The following TCHP variants were observed in gnomAD, a reference collection of about 807,000 sequenced individuals.
The protein encoded by TCHP is trichoplein keratin filament binding.
A neutral mutation model predicts 88.7 loss-of-function variants in TCHP; 81 were observed. The observed-to-expected ratio is 0.91, with a 90% CI of 0.76 to 1.10. TCHP has a LOEUF of 1.10. Ranked by LOEUF, TCHP falls within the 50% of genes least tolerant of loss-of-function variation. The pLI is 0.00. For missense variants in TCHP, 641 were observed against 632.1 expected, an observed-to-expected ratio of 1.01 and a Z score of -0.15; for synonymous variants, 232 against 232.5, an observed-to-expected ratio of 1.00 and a Z score of 0.02.
At chr12:109,896,278 C>A (rs191810667), upstream of TCHP, among the ~76,000 whole-genome samples, 556 of 152,308 alleles carry the variant, frequency 3.7e-3, 7 homozygotes, top group Non-Finnish European at 6.1e-3. Flanking sequence ...CACTTGCAAG[C>A]CACAAGCTCC....
the TCHP span, among the ~76,000 whole-genome samples, chr12:109,894,820 C>A: frequency 2.0e-5 from 3 of 148,956 alleles, no homozygotes; most frequent in African/African-American, 7.5e-5. Flanking sequence ...ATTCCCCTAG[C>A]AGGTTTCCCT....
At chr12:109,907,468 T>G in intron 5 of TCHP, 58 bp from the exon 6 acceptor site, 1 of 1,559,004 alleles carries the variant, frequency 6.4e-7, no homozygotes, top group Non-Finnish European at 8.7e-7. Flanking sequence ...GGCAGGAAGC[T>G]AGGTTTTTGT....
In TCHP at chr12:109,912,985, G is replaced by A. The variant is rs777035699; in HGVS notation, c.1053-6G>A. 2.4e-5 allele frequency: 38 copies of A among 1,613,678 alleles called. 1 individual carries two copies. The highest frequency in any genetic ancestry group is 4.0e-5 in the African/African-American group (3 of 74,882). On this transcript the variant is annotated splice_region_variant and splice_polypyrimidine_tract_variant and intron_variant, in intron 9 of 12. Transcript: ENST00000405876. ...GCCTGCTGTCATCCCTTTTGTGTTT[G>A]CCCAGGGAGGAGGCCAAGGAGATGT...
At chr12:109,884,703 CT>C in the TCHP span, among the ~76,000 whole-genome samples, 1 of 151,884 alleles carries the variant, frequency 6.6e-6, no homozygotes, top group Non-Finnish European at 1.5e-5. Context: ...AGCATTTTTT[CT>C]TTTTTTTCTT....
chr12:109,901,511 A>T (rs1368389296), intron 1 of TCHP, among the ~76,000 whole-genome samples: 5 of 152,200 alleles, frequency 3.3e-5, no homozygotes, highest in Non-Finnish European at 5.9e-5. Flanking sequence ...ATCTCAACAT[A>T]TCAAAGAGTC....
intron 11 of TCHP, 136 bp from the exon 12 acceptor site, chr12:109,915,267 C>T (rs575936697): frequency 1.6e-5 from 19 of 1,200,728 alleles, no homozygotes; most frequent in Non-Finnish European, 2.2e-5. Flanking sequence ...CCCTTCCGTT[C>T]CTTGGCACGT....
At chr12:109,913,571 T>TC (rs1317133553) in intron 10 of TCHP, among the ~76,000 whole-genome samples, 5 of 152,036 alleles carry the variant, frequency 3.3e-5, no homozygotes, top group African/African-American at 7.3e-5. Flanking sequence ...CCCACACGTT[T>TC]CCCCCCTCGG....
At position 109,908,915 on chromosome 12, in the gene TCHP, C is replaced by T; in HGVS notation, c.857C>T (p.Thr286Ile). ...TATAACGCTCAACTCAGCAGACGCA[C>T]ACAGCAGATCCAAGAGGAGCTGGTA... is the stretch of plus-strand genomic sequence containing the variant. ...HQYNAQLSRR[T>I]QQIQEELEAD... Residue 286 changes from threonine to isoleucine, a missense_variant, in exon 8 of 13, where the codon ACA becomes ATA. By Grantham distance (89) the Thr-to-Ile change is moderately conservative. Transcript: ENST00000405876. 1 of 1,614,212 alleles carries T rather than the reference C, an allele frequency of 6.2e-7. No individual in the cohort carries two copies. The highest frequency in any genetic ancestry group is 8.5e-7 in the Non-Finnish European group (1 of 1,180,048).
At chr12:109,890,907 CAAG>C in the TCHP span, among the ~76,000 whole-genome samples, 1 of 152,186 alleles carries the variant, frequency 6.6e-6, no homozygotes, top group Non-Finnish European at 1.5e-5. Context: ...GGAGCTCTCT[CAAG>C]GAGCTCACAG....
chr12:109,900,989 C>T (rs1370006144), intron 1 of TCHP: 1 of 152,278 alleles, frequency 6.6e-6, no homozygotes, highest in Non-Finnish European at 1.5e-5. Flanking sequence ...TTCAAGGCTC[C>T]AGCTGTATCC....
intron 12 of TCHP, 120 bp downstream of exon 12, chr12:109,915,666 C>A: frequency 8.4e-7 from 1 of 1,187,392 alleles, no homozygotes; most frequent in Non-Finnish European, 1.2e-6. Context: ...CCGGGTTATT[C>A]CTTGTTTCTC....
chr12:109,904,857 T>C, intron 4 of TCHP, 64 bp downstream of exon 4: 1 of 1,470,324 alleles, frequency 6.8e-7, no homozygotes, highest in Non-Finnish European at 9.4e-7. Flanking sequence ...AGACACTTTT[T>C]TTTTTGAACA....
Position 109,908,679 on chromosome 12 carries a change from C to T in TCHP, c.793C>T (p.Arg265Trp), listed in dbSNP as rs759391498. ...EEERKQMEAF[R>W]QKAELGRFLR... ...AGAGCGAAAGCAGATGGAAGCCTTC[C>T]GGCAGAAGGCAGAGCTGGGGTGTGT... is the stretch of plus-strand genomic sequence containing the variant. Residue 265 changes from arginine (R) to tryptophan (W), a missense_variant, in exon 7 of 13, where the codon CGG becomes TGG. By Grantham distance (101) the Arg-to-Trp change is moderately radical (BLOSUM62 -3). Coordinates refer to ENST00000405876, the MANE Select transcript of TCHP (RefSeq NM_001143852.2). 1.7e-5 allele frequency: 27 copies of T among 1,596,146 alleles called. No individual in the cohort carries two copies. In the Middle Eastern group the frequency reaches 6.6e-4, roughly 39 times the overall value.
At chr12:109,910,026 A>T (rs1297177257) in intron 8 of TCHP, among the ~76,000 whole-genome samples, 1 of 151,954 alleles carries the variant, frequency 6.6e-6, no homozygotes, top group Non-Finnish European at 1.5e-5. Context: ...GTAATCCCAG[A>T]TACTCGGGGG....
chr12:109,898,454 C>T (rs527605923), upstream of TCHP, among the ~76,000 whole-genome samples: 5 of 152,302 alleles, frequency 3.3e-5, no homozygotes, highest in Admixed American at 2.6e-4. Context: ...AAGAGATCCG[C>T]CAGCCTTGGC....
Position 109,907,593 on chromosome 12 carries a change from C to G in TCHP, c.593C>G (p.Ala198Gly). Residue 198 changes from alanine (A) to glycine (G), a missense_variant, in exon 6 of 13, where the codon GCG (alanine) becomes GGG (glycine). Physicochemically the swap from Ala to Gly is moderately conservative, Grantham distance 60 (BLOSUM62 0). Transcript: ENST00000405876. ...GAATATGAAAGGGCCCGAAGGGAGGCGCTAGAAAGGATGAAAGCTGAAGAG... is the reference window on the plus strand; with the variant it reads ...GAATATGAAAGGGCCCGAAGGGAGGGGCTAGAAAGGATGAAAGCTGAAGAG... ...ENEYERARRE[A>G]LERMKAEEER... The G allele has an allele frequency of 1.2e-6, 2 of 1,614,100 alleles. No individual in the cohort carries two copies. Among genetic ancestry groups the G allele is most frequent in the Non-Finnish European group, 1.7e-6 (2 of 1,180,020 alleles).
rs1358370568 is a variant in TCHP, at chr12:109,914,610, C to G, written c.1303C>G (p.Gln435Glu). ...TGAAAAGCTGAAATCGGCCAGGAAG[C>G]AGGAGCTGGAAGCCCAGGTAGGGCT... The part of the protein sequence containing the change: ...ESEKLKSARK[Q>E]ELEAQVAERR... Residue 435 changes from glutamine to glutamate, a missense_variant, in exon 11 of 13, where the codon CAG becomes GAG. By Grantham distance (29) the Gln-to-Glu change is conservative. Coordinates refer to ENST00000405876, the MANE Select transcript of TCHP (RefSeq NM_001143852.2). 2.5e-6 allele frequency: 4 copies of G among 1,611,572 alleles called. 1 individual carries two copies. In the South Asian group the frequency reaches 4.4e-5, roughly 18 times the overall value.
At chr12:109,904,657 G>T in intron 3 of TCHP, 80 bp from the exon 4 acceptor site, 1 of 1,342,608 alleles carries the variant, frequency 7.4e-7, no homozygotes, top group South Asian at 1.2e-5. Context: ...AGCCTGAGCT[G>T]ACTTCCACTG....
chr12:109,902,306 G>C (rs1376006880), intron 1 of TCHP, among the ~76,000 whole-genome samples: 1 of 152,102 alleles, frequency 6.6e-6, no homozygotes, highest in Non-Finnish European at 1.5e-5. Flanking sequence ...GAGTAGCTGG[G>C]ACTACAGGCG....
Sources: gnomAD v4.1 joint callset for allele counts (sites outside exome capture counted in the v4.1 genomes callset) on GRCh38, gnomAD v4.1.1 for gene constraint, MANE v1.5 for transcripts, NCBI Gene and HGNC (gene_info 2026-07-23, HGNC 2026-07-21) for gene names.